DGKD: variants seen among roughly 807,000 people sequenced by gnomAD.
DGKD encodes the protein diacylglycerol kinase delta.
A neutral mutation model predicts 154.4 loss-of-function variants in DGKD; 68 were observed. The ratio of observed to expected loss-of-function variants is 0.44; its 90% CI spans 0.36 to 0.54. The LOEUF is 0.54. Ranked by LOEUF, DGKD falls within the 20% of genes least tolerant of loss-of-function variation. DGKD has a pLI of 0.00. For missense variants in DGKD, 1,343 were observed against 1,593.6 expected (o/e 0.84, Z 2.68); for synonymous variants, 693 against 638.0 (o/e 1.09, Z -1.30).
chr2:233,392,034 A>C (rs1703655125), intron 3 of DGKD: 1 of 152,078 alleles, frequency 6.6e-6, no homozygotes, highest in Non-Finnish European at 1.5e-5. Context: ...TTAATTAATG[A>C]ATTTTTTTGA....
At chr2:233,448,209 C>T (rs2063148624) in intron 13 of DGKD, 28 bp downstream of exon 13, 2 of 1,614,044 alleles carry the variant, frequency 1.2e-6, no homozygotes, top group East Asian at 2.2e-5. Flanking sequence ...CTGGGGAGGG[C>T]ATGGTGCCCT....
intron 24 of DGKD, among the ~76,000 whole-genome samples, chr2:233,461,744 G>T (rs1034801663): frequency 1.2e-4 from 19 of 152,228 alleles, no homozygotes; most frequent in Admixed American, 9.8e-4. Context: ...GTTTCCACAG[G>T]GTCAGGACAG....
chr2:233,419,374 G>T (rs940085093), intron 3 of DGKD: 2 of 985,432 alleles, frequency 2.0e-6, no homozygotes, highest in Non-Finnish European at 1.2e-6. Context: ...CTTCAATTTT[G>T]ATACACGTGG....
chr2:233,435,412 T>G (rs1288850976), intron 5 of DGKD, among the ~76,000 whole-genome samples: 1 of 152,232 alleles, frequency 6.6e-6, no homozygotes, highest in Non-Finnish European at 1.5e-5. Flanking sequence ...GGCTTTTAAA[T>G]TTTTAAATGA....
At chr2:233,450,835 C>T (rs1468722354) in intron 16 of DGKD, 87 bp from the exon 17 acceptor site, 7 of 1,524,624 alleles carry the variant, frequency 4.6e-6, no homozygotes, top group Admixed American at 3.6e-5. Context: ...CCTCAGCCCT[C>T]CCACCTGCTC....
chr2:233,438,156 A>C lies in DGKD; in HGVS notation c.923-61A>C. ...GGGGTCTGCTGCTGCTGATTCCATC[A>C]GTGGTGCCCTCAGCGTCTTCCGTGG... On this transcript the variant is annotated intron_variant, in intron 8 of 29. Transcript: ENST00000264057. This position sits in a 1 kb window ranked among gnomAD's most constrained non-coding sequence, Gnocchi z 4.1. 6.4e-7 allele frequency: 1 copy of C among 1,570,440 alleles called. No individual in the cohort carries two copies. Among genetic ancestry groups the C allele is most frequent in the Non-Finnish European group, 8.7e-7 (1 of 1,152,872 alleles).
rs1279814450 is a variant in DGKD, at chr2:233,363,066, T to C, written c.156+8392T>C. ...TTATGTATTTACTATCTATACTTTT[T>C]ATTATTTTAGAGTATATTCTTCCTA... On this transcript the variant is annotated intron_variant, in intron 1 of 29. Transcript: ENST00000264057. Among the ~76,000 whole-genome samples, 3 of 152,374 alleles carry C rather than the reference T, an allele frequency of 2.0e-5. No individual in the cohort carries two copies. In the East Asian group the frequency reaches 5.8e-4, roughly 29 times the overall value.
intron 3 of DGKD, chr2:233,419,285 C>T (rs1185694451): frequency 2.0e-6 from 2 of 985,464 alleles, no homozygotes; most frequent in Non-Finnish European, 2.4e-6. Flanking sequence ...TTTGCTGCTC[C>T]AGCGTTCCTG....
intron 1 of DGKD, among the ~76,000 whole-genome samples, chr2:233,374,019 T>C (rs914185884): frequency 1.5e-4 from 21 of 137,270 alleles, no homozygotes; most frequent in Middle Eastern, 3.6e-3. Flanking sequence ...TTTAGTTTAA[T>C]TTTTTTTTTT....
chr2:233,468,617 A>G (rs905112988), intron 29 of DGKD, 64 bp downstream of exon 29: 20 of 1,599,274 alleles, frequency 1.3e-5, no homozygotes, highest in Non-Finnish European at 1.7e-5. Flanking sequence ...CTTCTCTTCC[A>G]TCCTCTCCCC....
At position 233,458,083 on chromosome 2, in the gene DGKD, CTT is replaced by C. The variant is rs1477324590; in HGVS notation, c.2581-199_2581-198del. On this transcript the variant is annotated intron_variant, in intron 21 of 29. Coordinates refer to ENST00000264057, the MANE Select transcript of DGKD (RefSeq NM_152879.3). This position sits in a 1 kb window ranked among gnomAD's most constrained non-coding sequence, Gnocchi z 6.6. ...AATGGGGGAGAGAGAGATTCAGTAA[CTT>C]TGCCGAGATGAGAGCTGGGATTTGG... is the stretch of plus-strand genomic sequence containing the variant. 6.6e-6 allele frequency among the ~76,000 whole-genome samples: 1 copy of C among 152,114 alleles called. No homozygotes were observed. The highest frequency in any genetic ancestry group is 1.5e-5 in the Non-Finnish European group (1 of 68,020).
intron 1 of DGKD, among the ~76,000 whole-genome samples, chr2:233,366,369 A>C (rs1702030564): frequency 6.6e-6 from 1 of 152,128 alleles, no homozygotes; most frequent in African/African-American, 2.4e-5. Context: ...CGATGGGGGA[A>C]GTAGCTGGAT....
intron 3 of DGKD, among the ~76,000 whole-genome samples, chr2:233,398,300 C>T (rs2061473640): frequency 1.3e-5 from 2 of 151,796 alleles, no homozygotes; most frequent in East Asian, 2.0e-4. Context: ...CGCCACCACG[C>T]CCGACTAATT....
intron 1 of DGKD, among the ~76,000 whole-genome samples, chr2:233,376,970 T>G (rs996966663): frequency 6.6e-6 from 1 of 152,088 alleles, no homozygotes; most frequent in African/African-American, 2.4e-5. Context: ...ATTATTTTGG[T>G]TAATCCTTCC....
chr2:233,387,566 C>T (rs1055087560), intron 1 of DGKD, among the ~76,000 whole-genome samples: 2 of 152,226 alleles, frequency 1.3e-5, no homozygotes, highest in African/African-American at 4.8e-5. Context: ...GAGCCCCCTT[C>T]ATTCTTGGCT....
intron 3 of DGKD, among the ~76,000 whole-genome samples, chr2:233,406,159 T>C (rs574909499): frequency 1.3e-5 from 2 of 152,314 alleles, no homozygotes; most frequent in Admixed American, 1.3e-4. Context: ...TTTTCTTCCT[T>C]CTTCTGTGTC....
chr2:233,451,043 G>A lies in DGKD; in HGVS notation c.2160G>A (p.Leu720=). 1.2e-6 allele frequency: 2 copies of A among 1,604,538 alleles called. No individual in the cohort carries two copies. Among genetic ancestry groups the A allele is most frequent in the East Asian group, 2.2e-5 (1 of 44,506 alleles). ...TGCCTGCGCTCAACACCAAGATCCT[G>A]TACCCAAGTGAGTGGCGGCCAGCAG... is the stretch of plus-strand genomic sequence containing the variant. ...DGLPALNTKI[L]YPNVRAGMSG... Residue 720 remains leucine (L), a synonymous_variant, in exon 17 of 30, where the codon CTG becomes CTA. Transcript: ENST00000264057.
At chr2:233,462,617 A>G (rs372462240) in intron 25 of DGKD, 26 bp from the exon 26 acceptor site, 12 of 1,607,536 alleles carry the variant, frequency 7.5e-6, no homozygotes, top group Non-Finnish European at 1.0e-5. Flanking sequence ...CCCCGCCCCC[A>G]TGCATATTTG....
intron 17 of DGKD, among the ~76,000 whole-genome samples, chr2:233,451,426 G>T (rs947653620): frequency 7.9e-5 from 12 of 152,154 alleles, no homozygotes; most frequent in Non-Finnish European, 1.6e-4. Context: ...GCGCAGGGAG[G>T]GTGAGGTCCT....
Sources: allele counts gnomAD v4.1 joint callset (sites outside exome capture counted in the v4.1 genomes callset), GRCh38; gene constraint gnomAD v4.1.1; non-coding constraint Gnocchi (gnomAD v3.1); transcripts MANE v1.5; gene names NCBI Gene and HGNC (gene_info 2026-07-23, HGNC 2026-07-21).